MIPOL1: variants seen among roughly 807,000 people sequenced by gnomAD.
The protein encoded by MIPOL1 is mirror-image polydactyly gene 1 protein.
In MIPOL1, 57 loss-of-function variants were observed where a neutral mutation model predicts 60.9. That is an observed-to-expected ratio of 0.94 (90% CI 0.76 to 1.17). The LOEUF (loss-of-function observed/expected upper bound fraction) is 1.17. Ranked by LOEUF, MIPOL1 falls within the 50% of genes most tolerant of loss-of-function variation. The pLI, the probability that MIPOL1 is intolerant of heterozygous loss-of-function variation, is 0.00. For missense variants in MIPOL1, 551 were observed against 511.6 expected (o/e 1.08, Z -0.74); for synonymous variants, 179 against 168.8 (o/e 1.06, Z -0.47).
intron 3 of MIPOL1, among the ~76,000 whole-genome samples, chr14:37,252,683 A>G (rs1409810337): frequency 6.6e-6 from 1 of 151,898 alleles, no homozygotes; most frequent in African/African-American, 2.4e-5. Flanking sequence ...TCTGTTCACA[A>G]AGTACATATT....
At chr14:37,345,076 C>T (rs1311183304) in intron 9 of MIPOL1, among the ~76,000 whole-genome samples, 2 of 150,966 alleles carry the variant, frequency 1.3e-5, no homozygotes, top group African/African-American at 4.9e-5. Context: ...TATCCTCCAA[C>T]ATTAACAATT....
chr14:37,414,996 C>T (rs2093739394), intron 10 of MIPOL1, among the ~76,000 whole-genome samples: 2 of 152,080 alleles, frequency 1.3e-5, no homozygotes, highest in Admixed American at 1.3e-4. Flanking sequence ...GCCACCCCTG[C>T]CCCCAAAACA....
At chr14:37,452,622 A>G (rs554724872) in intron 11 of MIPOL1, among the ~76,000 whole-genome samples, 2 of 152,230 alleles carry the variant, frequency 1.3e-5, no homozygotes, top group Non-Finnish European at 2.9e-5. Flanking sequence ...TAGCCAGCTG[A>G]AAACTGTTCT....
At chr14:37,422,005 A>G (rs2093880948) in intron 10 of MIPOL1, among the ~76,000 whole-genome samples, 1 of 152,066 alleles carries the variant, frequency 6.6e-6, no homozygotes, top group African/African-American at 2.4e-5. Context: ...AAGCAAAGTG[A>G]AAGATAACCA....
At chr14:37,204,213 G>A (rs1027748023) in intron 1 of MIPOL1, among the ~76,000 whole-genome samples, 1 of 152,112 alleles carries the variant, frequency 6.6e-6, no homozygotes, top group Non-Finnish European at 1.5e-5. Context: ...CCCTGGGCTG[G>A]AGGACTTAGC....
chr14:37,248,032 A>AC, intron 3 of MIPOL1, 125 bp downstream of exon 3: 1 of 837,912 alleles, frequency 1.2e-6, no homozygotes, highest in South Asian at 1.8e-5. Flanking sequence ...ACACACACAC[A>AC]AAACATGCAC....
chr14:37,332,124 C>T (rs551988721), intron 9 of MIPOL1, among the ~76,000 whole-genome samples: 9 of 151,626 alleles, frequency 5.9e-5, no homozygotes, highest in African/African-American at 1.2e-4. Context: ...GATGACAGAG[C>T]GAGACTCCTC....
intron 11 of MIPOL1, among the ~76,000 whole-genome samples, chr14:37,460,566 A>G (rs760893027): frequency 6.6e-6 from 1 of 152,192 alleles, no homozygotes; most frequent in Non-Finnish European, 1.5e-5. Context: ...AGGAAATTAA[A>G]TTATCCCTGT....
At chr14:37,552,234 C>T (rs2095562911), downstream of MIPOL1, 1 of 151,906 alleles carries the variant, frequency 6.6e-6, no homozygotes, top group Non-Finnish European at 1.5e-5. Flanking sequence ...TCACGTATGA[C>T]CTTTGTGATT....
At chr14:37,455,220 T>C (rs2094464542) in intron 11 of MIPOL1, among the ~76,000 whole-genome samples, 1 of 152,182 alleles carries the variant, frequency 6.6e-6, no homozygotes, top group South Asian at 2.1e-4. Context: ...TTGCATCAAT[T>C]TTACTTCTTA....
intron 1 of MIPOL1, among the ~76,000 whole-genome samples, chr14:37,238,302 C>T (rs1971804100): frequency 6.6e-6 from 1 of 152,064 alleles, no homozygotes; most frequent in Admixed American, 6.6e-5. Flanking sequence ...GACAGTTATC[C>T]TTCATGGTTT....
chr14:37,269,126 G>A (rs1463085217), intron 5 of MIPOL1, among the ~76,000 whole-genome samples: 5 of 151,838 alleles, frequency 3.3e-5, no homozygotes, highest in Non-Finnish European at 1.5e-5. Context: ...GAATGCACTG[G>A]TTTCATGTTA....
intron 9 of MIPOL1, among the ~76,000 whole-genome samples, chr14:37,360,474 A>C (rs2153483754): frequency 6.6e-6 from 1 of 152,232 alleles, no homozygotes; most frequent in East Asian, 1.9e-4. Flanking sequence ...GTAGGCTATT[A>C]GTTATTGCCT....
At chr14:37,364,880 G>GT (rs1187550101) in intron 9 of MIPOL1, among the ~76,000 whole-genome samples, 1 of 152,046 alleles carries the variant, frequency 6.6e-6, no homozygotes, top group Middle Eastern at 3.4e-3. Flanking sequence ...TCATTTTTTG[G>GT]TGTTCTCTTT....
chr14:37,381,930 G>A (rs1049241000), intron 10 of MIPOL1, among the ~76,000 whole-genome samples: 3 of 151,898 alleles, frequency 2.0e-5, no homozygotes, highest in African/African-American at 4.8e-5. Context: ...AACTTGCCTA[G>A]TGTAGACTTT....
At chr14:37,439,285 G>C (rs2153565043) in intron 11 of MIPOL1, among the ~76,000 whole-genome samples, 1 of 152,252 alleles carries the variant, frequency 6.6e-6, no homozygotes, top group Middle Eastern at 3.4e-3. Context: ...GAACCAATAA[G>C]ATTCTGATAG....
intron 3 of MIPOL1, among the ~76,000 whole-genome samples, chr14:37,257,483 T>G (rs1339888466): frequency 6.6e-6 from 1 of 152,156 alleles, no homozygotes; most frequent in Non-Finnish European, 1.5e-5. Flanking sequence ...AGCATTGGTT[T>G]GTTATGCAAC....
intron 1 of MIPOL1, among the ~76,000 whole-genome samples, chr14:37,200,850 A>ATG (rs56965903): frequency 0.061 from 5,310 of 86,786 alleles, 275 homozygotes; most frequent in Non-Finnish European, 0.077. Flanking sequence ...ATATCTATCT[A>ATG]TGTGTGTGTG....
rs147351882 is a variant in MIPOL1 at position 37,276,201 on chromosome 14, C to T, written c.493+5676C>T. 3.5e-4 allele frequency: 53 copies of T among 151,080 alleles called. 1 individual carries two copies. Among genetic ancestry groups the T allele is most frequent in the African/African-American group, 1.2e-3 (50 of 41,440 alleles). 9.4% of individuals were successfully genotyped at this position (151,080 alleles called of 1,614,324 possible). A position where few individuals can be genotyped will look rare whatever the true frequency, so the allele number is the denominator to read the frequency against. On this transcript the variant is annotated intron_variant, in intron 6 of 12. Coordinates refer to ENST00000684589, the MANE Select transcript of MIPOL1 (RefSeq NM_001388067.1). Reference sequence around the variant, plus strand: ...AGCTTACTTGTACTGATGATGCAAGCATTTGATTTTTCTCTTTAAACATAG... The same window carrying T: ...AGCTTACTTGTACTGATGATGCAAGTATTTGATTTTTCTCTTTAAACATAG...
Sources: gnomAD v4.1 joint callset for allele counts (sites outside exome capture counted in the v4.1 genomes callset) on GRCh38, gnomAD v4.1.1 for gene constraint, MANE v1.5 for transcripts, NCBI Gene and HGNC (gene_info 2026-07-23, HGNC 2026-07-21) for gene names.